The following FGF2 variants were observed in gnomAD, a reference collection of about 807,000 sequenced individuals.
FGF2 encodes fibroblast growth factor 2, also known as basic fibroblast growth factor bFGF.
FGF2 carries 13 observed loss-of-function variants against 15.9 expected under a neutral mutation model. That is an observed-to-expected ratio of 0.82 (90% confidence interval 0.53 to 1.30). The LOEUF (loss-of-function observed/expected upper bound fraction) is 1.30. Among genes scored for constraint, FGF2 ranks in the 50% most tolerant of loss-of-function variants. FGF2 has a pLI of 0.00. For missense variants in FGF2, 163 were observed against 196.9 expected (o/e 0.83, Z 1.03); for synonymous variants, 90 against 78.4 (o/e 1.15, Z -0.78).
At chr4:122,860,794 A>G (rs1270520325) in intron 1 of FGF2, among the ~76,000 whole-genome samples, 1 of 152,188 alleles carries the variant, frequency 6.6e-6, no homozygotes, top group East Asian at 1.9e-4. Context: ...GTCAAAACTA[A>G]GAAATTGATA....
rs1491113737 is a variant in FGF2 at position 122,827,853 on chromosome 4, C to CT, written c.178+502dup. Among the ~76,000 whole-genome samples the CT allele has an allele frequency of 6.6e-6, 1 of 152,228 alleles. No individual in the cohort carries two copies. The highest frequency in any genetic ancestry group is 1.5e-5 in the Non-Finnish European group (1 of 68,050). ...GCATATGGCACACTACTCTCACCCA[C>CT]TCTGTTTTATATTTTTCCGAATTGA... On this transcript the variant is annotated intron_variant, in intron 1 of 2. Coordinates refer to ENST00000644866, the MANE Select transcript of FGF2 (RefSeq NM_001361665.2). The surrounding 1 kb of genome is among the most constrained non-coding windows in gnomAD (Gnocchi z 4.2).
chr4:122,828,691 C>A (rs1560733432), intron 1 of FGF2, among the ~76,000 whole-genome samples: 1 of 152,176 alleles, frequency 6.6e-6, no homozygotes, highest in Non-Finnish European at 1.5e-5. Context: ...AAAATAGCAA[C>A]CTGCAAGAGA....
intron 1 of FGF2, among the ~76,000 whole-genome samples, chr4:122,871,174 T>G (rs1726722990): frequency 6.7e-6 from 1 of 149,124 alleles, no homozygotes; most frequent in Admixed American, 6.6e-5. Context: ...TTGATTGCAC[T>G]GTGTTTTGAG....
At chr4:122,831,535 A>G (rs1725766251) in intron 1 of FGF2, among the ~76,000 whole-genome samples, 1 of 152,224 alleles carries the variant, frequency 6.6e-6, no homozygotes, top group Non-Finnish European at 1.5e-5. Context: ...TACTTAATGA[A>G]CGTGATATTT....
At chr4:122,864,377 G>A (rs116379027) in intron 1 of FGF2, among the ~76,000 whole-genome samples, 90 of 152,332 alleles carry the variant, frequency 5.9e-4, no homozygotes, top group African/African-American at 2.1e-3. Context: ...TAGGGATACA[G>A]AAATGGATAA....
At chr4:122,878,651 G>A (rs72917888) in intron 2 of FGF2, among the ~76,000 whole-genome samples, 6,316 of 152,248 alleles carry the variant, frequency 0.041, 426 homozygotes, top group African/African-American at 0.14. Context: ...TGGCAGAAGT[G>A]TAGAGAATGG....
intron 1 of FGF2, among the ~76,000 whole-genome samples, chr4:122,874,452 A>G (rs1382458460): frequency 2.6e-5 from 4 of 152,208 alleles, no homozygotes; most frequent in Non-Finnish European, 5.9e-5. Flanking sequence ...GGGGTGACTG[A>G]CACACAGAGG....
chr4:122,892,835 A>G lies in FGF2; in HGVS notation c.*439A>G, dbSNP rs371113958. 7 of 1,595,700 alleles carry G rather than the reference A, an allele frequency of 4.4e-6. No homozygotes were observed. The African/African-American group carries it at 5.4e-5, about 12-fold the overall frequency. Reference sequence around the variant, plus strand: ...AAACATATAAATGTGAATTTAATCAATTCCTTTCATAGTTTTATAATTCTC... The same window carrying G: ...AAACATATAAATGTGAATTTAATCAGTTCCTTTCATAGTTTTATAATTCTC... On this transcript the variant is annotated 3_prime_UTR_variant, in exon 3 of 3. Transcript: ENST00000644866.
intron 2 of FGF2, among the ~76,000 whole-genome samples, chr4:122,881,502 C>G (rs1272776003): frequency 6.6e-6 from 1 of 152,174 alleles, no homozygotes; most frequent in Non-Finnish European, 1.5e-5. Context: ...GTTCAAAGTT[C>G]CACAAATCTC....
At chr4:122,842,707 C>A (rs1726014899) in intron 1 of FGF2, among the ~76,000 whole-genome samples, 1 of 152,110 alleles carries the variant, frequency 6.6e-6, no homozygotes, top group African/African-American at 2.4e-5. Flanking sequence ...TAGCAGCCAG[C>A]TTATTTTTAT....
In FGF2 at chr4:122,835,640, C is replaced by T. The variant is rs1354035946; in HGVS notation, c.178+8288C>T. ...ATGGAATTGTCTTTGATGCCTTTCT[C>T]TACTTCTTTCGTATATATCTCTCTA... On this transcript the variant is annotated intron_variant, in intron 1 of 2. Transcript: ENST00000644866. 2.0e-5 allele frequency among the ~76,000 whole-genome samples: 3 copies of T among 152,120 alleles called. No individual in the cohort carries two copies. The South Asian group carries it at 6.2e-4, about 31-fold the overall frequency.
intron 2 of FGF2, among the ~76,000 whole-genome samples, chr4:122,886,190 G>C (rs780339342): frequency 7.9e-5 from 12 of 152,078 alleles, no homozygotes; most frequent in Non-Finnish European, 1.5e-4. Flanking sequence ...AAAGTGCTGG[G>C]ATGACAAGTG....
chr4:122,836,574 C>G (rs1725871105), intron 1 of FGF2, among the ~76,000 whole-genome samples: 1 of 152,168 alleles, frequency 6.6e-6, no homozygotes, highest in South Asian at 2.1e-4. Context: ...CCACATTACC[C>G]AGTAGTTCTT....
intron 2 of FGF2, among the ~76,000 whole-genome samples, chr4:122,880,373 A>G (rs572405373): frequency 6.6e-6 from 1 of 151,018 alleles, no homozygotes; most frequent in African/African-American, 2.4e-5. Flanking sequence ...CAGCCTCCCG[A>G]GCAGCTGAGA....
In FGF2 at chr4:122,897,633, C is replaced by T; in HGVS notation, c.*5237C>T. The stretch of plus-strand genomic sequence containing the variant: ...TATAAAAGATACACACCAATATCTT[C>T]TTCAGGCTCTGACAGGCCTCCTGGA... On this transcript the variant is annotated 3_prime_UTR_variant, in exon 3 of 3. Transcript: ENST00000644866. The T allele has an allele frequency of 6.2e-7, 1 of 1,605,216 alleles. No individual in the cohort carries two copies. The highest frequency in any genetic ancestry group is 1.1e-5 in the South Asian group (1 of 90,902).
intron 1 of FGF2, among the ~76,000 whole-genome samples, chr4:122,846,990 G>A (rs1202721822): frequency 1.3e-5 from 2 of 152,186 alleles, no homozygotes; most frequent in African/African-American, 4.8e-5. Context: ...CTGTGCCCGC[G>A]CATTACAAGG....
At chr4:122,868,036 G>A (rs1328766237) in intron 1 of FGF2, among the ~76,000 whole-genome samples, 2 of 152,096 alleles carry the variant, frequency 1.3e-5, no homozygotes, top group Non-Finnish European at 2.9e-5. Context: ...AAACAACATA[G>A]TTAGGTTTTG....
In FGF2 at chr4:122,897,829, C is replaced by A; in HGVS notation, c.*5433C>A. ...AAAATTTTTCTAGCTTCCATCCTTT[C>A]TCCCTCGTTTCTTCTTTTTTTGGGG... On this transcript the variant is annotated 3_prime_UTR_variant, in exon 3 of 3. Transcript: ENST00000644866. 1 of 612,800 alleles carries A rather than the reference C, an allele frequency of 1.6e-6. No homozygotes were observed. The highest frequency in any genetic ancestry group is 2.9e-6 in the Non-Finnish European group (1 of 339,208). 38.0% of individuals were successfully genotyped at this position (612,800 alleles called of 1,614,324 possible).
Position 122,839,178 on chromosome 4 carries a change from T to A in FGF2, c.178+11826T>A, listed in dbSNP as rs145552416. Among the ~76,000 whole-genome samples, 943 of 152,300 alleles carry A rather than the reference T, an allele frequency of 6.2e-3. 4 individuals are homozygous for A. Among genetic ancestry groups the A allele is most frequent in the Non-Finnish European group, 0.011 (735 of 67,998 alleles). On this transcript the variant is annotated intron_variant, in intron 1 of 2. Coordinates refer to ENST00000644866, the MANE Select transcript of FGF2 (RefSeq NM_001361665.2). ...CCCATAGTTAAGTGACACATGATCA[T>A]GTAACACAGTGGTATTTGTGTATTT...
Sources: gnomAD v4.1 joint callset for allele counts (sites outside exome capture counted in the v4.1 genomes callset) on GRCh38, gnomAD v4.1.1 for gene constraint, Gnocchi (gnomAD v3.1) non-coding constraint, MANE v1.5 for transcripts, NCBI Gene and HGNC (gene_info 2026-07-23, HGNC 2026-07-21) for gene names.